The following HPSE2 variants were observed in gnomAD, a reference collection of about 807,000 sequenced individuals.
HPSE2 encodes the protein inactive heparanase-2.
A neutral mutation model predicts 60.5 loss-of-function variants in HPSE2; 38 were observed. The ratio of observed to expected loss-of-function variants is 0.63; its 90% CI spans 0.48 to 0.82. The LOEUF (loss-of-function observed/expected upper bound fraction) is 0.82, where lower values mean the gene tolerates loss of function less well. Among genes scored for constraint, HPSE2 ranks in the 40% least tolerant of loss-of-function variants. The probability of loss-of-function intolerance (pLI) is 0.00; values close to 1 mark genes in which losing one functional copy is unlikely to be tolerated. For missense variants in HPSE2, 713 were observed against 740.4 expected (o/e 0.96, Z 0.43); for synonymous variants, 295 against 293.2 (o/e 1.01, Z -0.06).
intron 5 of HPSE2, among the ~76,000 whole-genome samples, chr10:98,696,057 C>T (rs181769077): frequency 1.8e-4 from 27 of 151,904 alleles, no homozygotes; most frequent in Non-Finnish European, 3.2e-4. Context: ...TAGGATGGCC[C>T]AAGAATAAAG....
At chr10:99,078,675 T>A (rs968981878) in intron 3 of HPSE2, among the ~76,000 whole-genome samples, 1 of 152,226 alleles carries the variant, frequency 6.6e-6, no homozygotes, top group African/African-American at 2.4e-5. Flanking sequence ...ACACTGTATC[T>A]CCAATTCATT....
intron 3 of HPSE2, among the ~76,000 whole-genome samples, chr10:99,091,772 G>A (rs1843523188): frequency 6.6e-6 from 1 of 152,054 alleles, no homozygotes; most frequent in South Asian, 2.1e-4. Flanking sequence ...AAATGTTCTT[G>A]ATGTTGTAGT....
chr10:99,232,499 C>T lies in HPSE2; in HGVS notation c.297G>A (p.Lys99=). The change falls in exon 2 of 12, where the codon AAG becomes AAA. Residue 99 remains lysine (K), a synonymous_variant. Transcript: ENST00000370552. ...HDGWLDFLSS[K]RLVTLARGLS... is the part of the protein sequence containing the mutation. ...GTCCCCGGGCCAGGGTCACCAAGCGCTTGGAGCTGCAGAGGAAGAGAATAA... is the reference window on the plus strand; with the variant it reads ...GTCCCCGGGCCAGGGTCACCAAGCGTTTGGAGCTGCAGAGGAAGAGAATAA... 6.4e-7 allele frequency: 1 copy of T among 1,553,908 alleles called. No homozygotes were observed. Among genetic ancestry groups the T allele is most frequent in the Non-Finnish European group, 8.7e-7 (1 of 1,149,076 alleles).
chr10:99,171,509 A>G (rs1260040691), intron 2 of HPSE2, among the ~76,000 whole-genome samples: 1 of 152,196 alleles, frequency 6.6e-6, no homozygotes, highest in Non-Finnish European at 1.5e-5. Context: ...CACCCTAAAC[A>G]GAAGCTCTAG....
the HPSE2 span, among the ~76,000 whole-genome samples, chr10:99,292,709 GTAAT>G: frequency 6.6e-6 from 1 of 152,048 alleles, no homozygotes; most frequent in Admixed American, 6.5e-5. Context: ...ATTTCAACAT[GTAAT>G]TAATATAAAA....
At chr10:99,093,161 G>T (rs957590180) in intron 3 of HPSE2, among the ~76,000 whole-genome samples, 3 of 152,094 alleles carry the variant, frequency 2.0e-5, no homozygotes, top group Non-Finnish European at 1.5e-5. Context: ...CCAGGAGGCA[G>T]AGGTTGCAGT....
chr10:98,682,537 T>A (rs919762193), intron 6 of HPSE2, among the ~76,000 whole-genome samples: 1 of 152,120 alleles, frequency 6.6e-6, no homozygotes, highest in Non-Finnish European at 1.5e-5. Context: ...ATTGGTTGCT[T>A]ACCCTCATGA....
chr10:98,799,318 T>A (rs1440479846), intron 3 of HPSE2, among the ~76,000 whole-genome samples: 1 of 152,094 alleles, frequency 6.6e-6, no homozygotes, highest in Non-Finnish European at 1.5e-5. Flanking sequence ...AAGAGAGAGA[T>A]AGGGCCCAAT....
intron 2 of HPSE2, among the ~76,000 whole-genome samples, chr10:99,221,193 T>C (rs1230948080): frequency 6.6e-6 from 1 of 152,146 alleles, no homozygotes; most frequent in Non-Finnish European, 1.5e-5. Flanking sequence ...AGAGTATTCA[T>C]GTGCATGCAT....
chr10:98,525,064 G>A (rs1942920935), intron 9 of HPSE2, among the ~76,000 whole-genome samples: 1 of 152,208 alleles, frequency 6.6e-6, no homozygotes, highest in South Asian at 2.1e-4. Flanking sequence ...AGGCTGGAGT[G>A]CAATGGCACG....
intron 3 of HPSE2, among the ~76,000 whole-genome samples, chr10:98,963,414 C>T (rs1428633316): frequency 6.6e-6 from 1 of 152,104 alleles, no homozygotes; most frequent in Non-Finnish European, 1.5e-5. Flanking sequence ...CAGTGCCACA[C>T]TAGTATGTCA....
chr10:99,152,161 A>C (rs936486656), intron 2 of HPSE2, among the ~76,000 whole-genome samples: 3 of 152,046 alleles, frequency 2.0e-5, no homozygotes, highest in East Asian at 3.9e-4. Context: ...AATACAAAAA[A>C]TTAGCCAGGC....
chr10:99,052,498 A>G (rs1248574192), intron 3 of HPSE2, among the ~76,000 whole-genome samples: 1 of 152,060 alleles, frequency 6.6e-6, no homozygotes, highest in African/African-American at 2.4e-5. Context: ...TGTGGGGGGA[A>G]ATTATGAAAA....
At chr10:98,939,583 A>C (rs1335656075) in intron 3 of HPSE2, among the ~76,000 whole-genome samples, 1 of 143,696 alleles carries the variant, frequency 7.0e-6, no homozygotes, top group Admixed American at 6.9e-5. Context: ...TTCATGAAGC[A>C]AGTCCTGAGT....
chr10:98,813,799 T>C (rs1041587932), intron 3 of HPSE2, among the ~76,000 whole-genome samples: 8 of 152,230 alleles, frequency 5.3e-5, no homozygotes, highest in African/African-American at 1.9e-4. Flanking sequence ...TCTTTCAATA[T>C]GTTTTTGCTT....
intron 5 of HPSE2, among the ~76,000 whole-genome samples, chr10:98,715,223 C>T (rs1293314863): frequency 6.6e-6 from 1 of 151,874 alleles, no homozygotes; most frequent in East Asian, 1.9e-4. Context: ...TATTTTATCA[C>T]ATTTGCCTTT....
intron 4 of HPSE2, among the ~76,000 whole-genome samples, chr10:98,742,974 C>CTTTTTTTTTTTTTTTTTTTTTTT (rs35772316): frequency 1.0e-5 from 1 of 99,782 alleles, no homozygotes; most frequent in Admixed American, 1.1e-4. Flanking sequence ...CTTTTCTTTT[C>CTTTTTTTTTTTTTTTTTTTTTTT]TTTTTTTTTT....
the HPSE2 span, among the ~76,000 whole-genome samples, chr10:99,267,972 A>G: frequency 1.3e-5 from 2 of 152,160 alleles, no homozygotes; most frequent in Non-Finnish European, 2.9e-5. Context: ...ATGTATTGCA[A>G]AAAGATCATC....
At chr10:98,570,197 T>C (rs1370164869) in intron 9 of HPSE2, among the ~76,000 whole-genome samples, 1 of 152,182 alleles carries the variant, frequency 6.6e-6, no homozygotes, top group Non-Finnish European at 1.5e-5. Context: ...ACATTCCTTC[T>C]CCTTGAAGGC....
Sources: gnomAD v4.1 joint callset for allele counts (sites outside exome capture counted in the v4.1 genomes callset) on GRCh38, gnomAD v4.1.1 for gene constraint, MANE v1.5 for transcripts, NCBI Gene and HGNC (gene_info 2026-07-23, HGNC 2026-07-21) for gene names.